The following KMT2E variants were observed in gnomAD, a reference collection of about 807,000 sequenced individuals.
KMT2E encodes the protein histone reader KMT2E.
Under a neutral mutation model 184.6 loss-of-function variants are expected in KMT2E, and 30 were observed. The observed-to-expected ratio is 0.16, with a 90% CI of 0.12 to 0.22. The LOEUF (loss-of-function observed/expected upper bound fraction) is 0.22. Ranked by LOEUF, KMT2E falls within the 10% of genes least tolerant of loss-of-function variation. KMT2E has a pLI of 1.00. For missense variants in KMT2E, 2,023 were observed against 2,237.4 expected (o/e 0.90, Z 1.93); for synonymous variants, 815 against 776.5 (o/e 1.05, Z -0.82).
intron 6 of KMT2E, among the ~76,000 whole-genome samples, chr7:105,068,504 G>T (rs911918168): frequency 6.6e-6 from 1 of 150,964 alleles, no homozygotes; most frequent in Non-Finnish European, 1.5e-5. Context: ...AACAGGCTAC[G>T]TGTGACCACA....
intron 15 of KMT2E, among the ~76,000 whole-genome samples, chr7:105,096,030 G>A (rs184101360): frequency 1.3e-5 from 2 of 152,242 alleles, no homozygotes; most frequent in Admixed American, 6.5e-5. Flanking sequence ...CAAGGTGGGT[G>A]GATCACTTGA....
intron 13 of KMT2E, among the ~76,000 whole-genome samples, chr7:105,086,040 A>G (rs1354389706): frequency 1.3e-5 from 2 of 152,166 alleles, no homozygotes; most frequent in African/African-American, 4.8e-5. Flanking sequence ...AGAATTTTGT[A>G]TATTTTTAAA....
At chr7:105,051,813 G>A (rs965629531) in intron 3 of KMT2E, among the ~76,000 whole-genome samples, 20 of 151,660 alleles carry the variant, frequency 1.3e-4, no homozygotes, top group African/African-American at 4.6e-4. Flanking sequence ...GGATTTCATC[G>A]TGTTGGCCAG....
intron 12 of KMT2E, 59 bp from the exon 13 acceptor site, chr7:105,081,629 C>A: frequency 2.4e-6 from 2 of 830,368 alleles, no homozygotes; most frequent in Admixed American, 2.4e-5. Context: ...AAATTGTAAG[C>A]TGATGCTTCT....
intron 1 of KMT2E, among the ~76,000 whole-genome samples, chr7:105,034,173 A>G (rs1795539552): frequency 6.6e-6 from 1 of 152,198 alleles, no homozygotes; most frequent in South Asian, 2.1e-4. Context: ...CATAGTACGC[A>G]GTTTCCCTCA....
rs1798676313 is a variant in KMT2E, at chr7:105,102,015, A to G, written c.2017A>G (p.Met673Val). Residue 673 changes from methionine to valine, a missense_variant, in exon 17 of 27, where the codon ATG (methionine) becomes GTG (valine). Around this residue, in one of 8 missense-constraint regions of KMT2E, gnomAD observed 514 missense variants for 621.8 expected, o/e 0.83. Transcript: ENST00000311117. The stretch of plus-strand genomic sequence containing the variant: ...GCGTCGGAGACACAGAACTGTCAGC[A>G]TGTGTTCAGATATCCAGCCATCTTC... ...QQRRRHRTVS[M>V]CSDIQPSSPD... 9 of 1,613,988 alleles carry G rather than the reference A, an allele frequency of 5.6e-6. No homozygotes were observed. The highest frequency in any genetic ancestry group is 7.6e-6 in the Non-Finnish European group (9 of 1,179,884).
rs66734303 is a variant in KMT2E at position 105,079,511 on chromosome 7, C to CTTTT, written c.1248+575_1248+578dup. ...CTTATAAGAGGAAATATTGGACTTC[C>CTTTT]TTTTTTTTTTTTTTTTTTTTTTTTT... On this transcript the variant is annotated intron_variant, in intron 12 of 26. Transcript: ENST00000311117. 1.6e-3 allele frequency among the ~76,000 whole-genome samples: 100 copies of CTTTT among 62,338 alleles called. 18 individuals are homozygous for CTTTT. Among genetic ancestry groups the CTTTT allele is most frequent in the East Asian group, 0.011 (14 of 1,310 alleles). The allele number at this position is 62,338 out of a possible 152,430, so 40.9% of individuals were successfully genotyped here. A position where few individuals can be genotyped will look rare whatever the true frequency, so the allele number is the denominator to read the frequency against.
Position 105,107,498 on chromosome 7 carries a change from C to T in KMT2E, c.3041C>T (p.Pro1014Leu). ...RSRTEVNRQC[P>L]GEKEPVSDLQ... Reference sequence around the variant, plus strand: ...AGGACTGAAGTCAACAGGCAGTGTCCTGGAGAAAAGGAACCTGTGTCAGAC... The same window carrying T: ...AGGACTGAAGTCAACAGGCAGTGTCTTGGAGAAAAGGAACCTGTGTCAGAC... Residue 1014 changes from proline to leucine, a missense_variant, in exon 22 of 27, where the codon CCT becomes CTT. Physicochemically the swap from Pro to Leu is moderately conservative, Grantham distance 98. This residue lies in a region of KMT2E where 1,108 missense variants were observed against 1,050.9 expected (regional missense o/e 1.05). Coordinates refer to ENST00000311117, the MANE Select transcript of KMT2E (RefSeq NM_182931.3). 1 of 1,614,130 alleles carries T rather than the reference C, an allele frequency of 6.2e-7. No individual in the cohort carries two copies. The highest frequency in any genetic ancestry group is 8.5e-7 in the Non-Finnish European group (1 of 1,180,006).
chr7:105,109,114 G>C lies in KMT2E; in HGVS notation c.3641G>C (p.Ser1214Thr). ...DNGEQVDHTA[S>T]LPLPTPATVY... The stretch of plus-strand genomic sequence containing the variant: ...GGGGAGCAGGTGGACCACACTGCTA[G>C]CCTACCTTTACCAACACCAGCTACA... The change falls in exon 23 of 27, where the codon AGC becomes ACC. Residue 1214 changes from serine (S) to threonine (T), a missense_variant. Ser to Thr is a moderately conservative substitution (Grantham distance 58). Coordinates refer to ENST00000311117, the MANE Select transcript of KMT2E (RefSeq NM_182931.3). The C allele has an allele frequency of 6.2e-7, 1 of 1,614,160 alleles. No individual in the cohort carries two copies. The highest frequency in any genetic ancestry group is 8.5e-7 in the Non-Finnish European group (1 of 1,180,002).
chr7:105,032,850 CTA>C (rs1190627585), intron 1 of KMT2E, among the ~76,000 whole-genome samples: 1 of 152,184 alleles, frequency 6.6e-6, no homozygotes, highest in Admixed American at 6.5e-5. Context: ...AGCTTTAACA[CTA>C]TTTTTTGCAA....
intron 3 of KMT2E, among the ~76,000 whole-genome samples, chr7:105,043,596 T>A (rs1795979445): frequency 2.0e-5 from 3 of 152,244 alleles, no homozygotes; most frequent in Non-Finnish European, 4.4e-5. Flanking sequence ...TTTGTGATGG[T>A]TTTTTAATGA....
At chr7:105,102,399 G>T in intron 17 of KMT2E, 1 of 426,756 alleles carries the variant, frequency 2.3e-6, no homozygotes, top group Non-Finnish European at 4.1e-6. Flanking sequence ...GTTACATTCA[G>T]TTTATCAGGA....
At position 105,079,511 on chromosome 7, in the gene KMT2E, C is replaced by CTTTTTTTTT. The variant is rs66734303; in HGVS notation, c.1248+570_1248+578dup. Among the ~76,000 whole-genome samples the CTTTTTTTTT allele has an allele frequency of 1.6e-3, 101 of 62,340 alleles. 14 individuals carry two copies. The East Asian group carries it at 0.021, about 13-fold the overall frequency. The allele number at this position is 62,340 out of a possible 152,430, so 40.9% of individuals were successfully genotyped here. A position where few individuals can be genotyped will look rare whatever the true frequency, so the allele number is the denominator to read the frequency against. On this transcript the variant is annotated intron_variant, in intron 12 of 26. Transcript: ENST00000311117. ...CTTATAAGAGGAAATATTGGACTTC[C>CTTTTTTTTT]TTTTTTTTTTTTTTTTTTTTTTTTT...
At position 105,017,700 on chromosome 7, in the gene KMT2E, G is replaced by A. The variant is rs1441355910; in HGVS notation, c.-189+3165G>A. The stretch of plus-strand genomic sequence containing the variant: ...ATGGTCTTTGTTCTAGGATAGCTGA[G>A]TTTGAAGGATTAGTTGTTTATCTGT... On this transcript the variant is annotated intron_variant, in intron 1 of 26. Coordinates refer to ENST00000311117, the MANE Select transcript of KMT2E (RefSeq NM_182931.3). Among the ~76,000 whole-genome samples, 3 of 152,102 alleles carry A rather than the reference G, an allele frequency of 2.0e-5. No homozygotes were observed. In the South Asian group the frequency reaches 6.2e-4, roughly 32 times the overall value.
At chr7:105,063,753 C>G in intron 5 of KMT2E, 173 bp downstream of exon 5, 1 of 567,280 alleles carries the variant, frequency 1.8e-6, no homozygotes, top group Non-Finnish European at 3.1e-6. Flanking sequence ...AAAGAGTTTA[C>G]TAGAAATCCC....
intron 13 of KMT2E, among the ~76,000 whole-genome samples, chr7:105,086,225 C>T (rs752993004): frequency 1.3e-5 from 2 of 152,082 alleles, no homozygotes; most frequent in African/African-American, 2.4e-5. Flanking sequence ...GCTTTCTGAA[C>T]ATGTCTGCAT....
At chr7:105,036,176 TTTTTTTTTTTG>T (rs1795647673) in intron 1 of KMT2E, among the ~76,000 whole-genome samples, 2 of 140,082 alleles carry the variant, frequency 1.4e-5, no homozygotes, top group Non-Finnish European at 3.2e-5. Flanking sequence ...GTTCTTTTGG[TTTTTTTTTTTG>T]TTTTTTTTTT....
chr7:105,104,002 T>C (rs1156942902), intron 17 of KMT2E: 1 of 151,794 alleles, frequency 6.6e-6, no homozygotes, highest in African/African-American at 2.4e-5. Flanking sequence ...AATTTTTTTG[T>C]ATTTTAGTAG....
At chr7:105,107,980 A>ATACTACTGAGGGGAATT (rs1562932619) in intron 22 of KMT2E, 55 bp downstream of exon 22, 10 of 1,131,018 alleles carry the variant, frequency 8.8e-6, no homozygotes, top group Middle Eastern at 4.1e-4. Context: ...TTTTTTCATA[A>ATACTACTGAGGGGAATT]TACTACTGAG....
Sources: gnomAD v4.1 joint callset for allele counts (sites outside exome capture counted in the v4.1 genomes callset) on GRCh38, gnomAD v4.1.1 for gene constraint, gnomAD v4.1.1 regional missense constraint, MANE v1.5 for transcripts, NCBI Gene and HGNC (gene_info 2026-07-23, HGNC 2026-07-21) for gene names.